Variants in TRIM33 observed in about 807,000 individuals in gnomAD.
TRIM33 encodes the protein tripartite motif containing 33, also known as E3 ubiquitin-protein ligase TRIM33.
Under a neutral mutation model 125.4 loss-of-function variants are expected in TRIM33, and 20 were observed. That is an observed-to-expected ratio of 0.16 (90% CI 0.11 to 0.23). The LOEUF (loss-of-function observed/expected upper bound fraction) is 0.23, where lower values mean the gene tolerates loss of function less well. Among genes scored for constraint, TRIM33 ranks in the 10% least tolerant of loss-of-function variants. The pLI, the probability that TRIM33 is intolerant of heterozygous loss-of-function variation, is 1.00. For missense variants in TRIM33, 920 were observed against 1,411.4 expected, an observed-to-expected ratio of 0.65 and a Z score of 5.58; for synonymous variants, 564 against 513.9, an observed-to-expected ratio of 1.10 and a Z score of -1.32.
chr1:114,475,549 G>A (rs1233088302), intron 1 of TRIM33, among the ~76,000 whole-genome samples: 1 of 152,198 alleles, frequency 6.6e-6, no homozygotes, highest in African/African-American at 2.4e-5. Flanking sequence ...CAGGCGTGGT[G>A]ACGGGCACCT....
chr1:114,456,414 T>G (rs1010844062), intron 4 of TRIM33, among the ~76,000 whole-genome samples: 11 of 152,162 alleles, frequency 7.2e-5, no homozygotes, highest in Admixed American at 6.5e-4. Context: ...CTGTGTGGCC[T>G]ATGAAAAAAG....
chr1:114,474,817 A>G (rs1472854392), intron 1 of TRIM33, among the ~76,000 whole-genome samples: 1 of 150,872 alleles, frequency 6.6e-6, no homozygotes, highest in Non-Finnish European at 1.5e-5. Context: ...GCTCGAACCC[A>G]GGAGGTGGAG....
In TRIM33 at chr1:114,427,280, C is replaced by A; in HGVS notation, c.1317G>T (p.Leu439Phe). Residue 439 changes from leucine to phenylalanine, a missense_variant, in exon 8 of 20, where the codon TTG becomes TTT. By Grantham distance (22) the Leu-to-Phe change is conservative (BLOSUM62 0). Transcript: ENST00000358465. ...CACACCGTGCTTTCAAAATATGACG[C>A]AACTGGAAAGTAATCTTAAAGGGAA... is the stretch of plus-strand genomic sequence containing the variant. ...LYSKRLITFQ[L>F]RHILKARCDP... The A allele has an allele frequency of 6.4e-7, 1 of 1,570,432 alleles. No homozygotes were observed. Among genetic ancestry groups the A allele is most frequent in the Non-Finnish European group, 8.7e-7 (1 of 1,151,716 alleles).
At chr1:114,432,715 G>A (rs933729251) in intron 5 of TRIM33, among the ~76,000 whole-genome samples, 6 of 152,146 alleles carry the variant, frequency 3.9e-5, no homozygotes, top group African/African-American at 1.2e-4. Context: ...GAACCCAGAA[G>A]GTGGAGCTTG....
intron 1 of TRIM33, among the ~76,000 whole-genome samples, chr1:114,496,721 C>A (rs1188536491): frequency 4.6e-5 from 7 of 152,182 alleles, no homozygotes; most frequent in African/African-American, 1.7e-4. Context: ...AATTAACTCA[C>A]CACAGGTGAA....
chr1:114,402,639 T>A (rs1377510682), intron 16 of TRIM33, 121 bp downstream of exon 16: 1 of 1,170,984 alleles, frequency 8.5e-7, no homozygotes, highest in East Asian at 2.5e-5. Context: ...TACCATCAGA[T>A]GACAGGATTA....
At chr1:114,448,083 T>C (rs1237057363) in intron 4 of TRIM33, among the ~76,000 whole-genome samples, 1 of 152,140 alleles carries the variant, frequency 6.6e-6, no homozygotes, top group African/African-American at 2.4e-5. Flanking sequence ...AACAGCAGCA[T>C]ACTGAAATAT....
chr1:114,459,589 G>A (rs150899127), intron 4 of TRIM33, among the ~76,000 whole-genome samples: 1 of 152,250 alleles, frequency 6.6e-6, no homozygotes, highest in Non-Finnish European at 1.5e-5. Context: ...GGGCGACATA[G>A]CAAGATCTAA....
At chr1:114,422,016 T>C (rs1647234598) in intron 10 of TRIM33, among the ~76,000 whole-genome samples, 1 of 152,208 alleles carries the variant, frequency 6.6e-6, no homozygotes, top group Non-Finnish European at 1.5e-5. Context: ...TGATATATAA[T>C]GCAGCTTGAA....
chr1:114,507,739 C>T (rs1653082755), intron 1 of TRIM33, among the ~76,000 whole-genome samples: 1 of 152,252 alleles, frequency 6.6e-6, no homozygotes, highest in South Asian at 2.1e-4. Flanking sequence ...GTGCTCTTTC[C>T]AGCACAGCTT....
At chr1:114,448,961 A>T (rs1649154732) in intron 4 of TRIM33, among the ~76,000 whole-genome samples, 1 of 152,194 alleles carries the variant, frequency 6.6e-6, no homozygotes, top group South Asian at 2.1e-4. Flanking sequence ...AGAGTGTCTG[A>T]AGGATCAAAT....
At chr1:114,401,028 C>CTT (rs944429313) in intron 17 of TRIM33, among the ~76,000 whole-genome samples, 9 of 142,438 alleles carry the variant, frequency 6.3e-5, no homozygotes, top group Admixed American at 1.4e-4. Flanking sequence ...AGGCCATACT[C>CTT]TTTTTTTTTT....
chr1:114,510,698 C>A lies in TRIM33; in HGVS notation c.379G>T (p.Val127Leu). Residue 127 changes from valine (V) to leucine (L), a missense_variant, in exon 1 of 20, where the codon GTG becomes TTG. Val to Leu is a conservative substitution (Grantham distance 32). Coordinates refer to ENST00000358465, the MANE Select transcript of TRIM33 (RefSeq NM_015906.4). ...PPASLLDTCAVCQQSLQSRRE... is the reference protein window; with the variant it reads ...PPASLLDTCALCQQSLQSRRE... Reference sequence around the variant, plus strand: ...CGGCTCTGCAAGCTCTGCTGACACACGGCGCAGGTGTCCAGGAGCGAGGCT... The same window carrying A: ...CGGCTCTGCAAGCTCTGCTGACACAAGGCGCAGGTGTCCAGGAGCGAGGCT... The A allele has an allele frequency of 6.5e-7, 1 of 1,543,580 alleles. No individual in the cohort carries two copies.
chr1:114,405,836 G>A, intron 14 of TRIM33, 77 bp from the exon 15 acceptor site: 2 of 1,231,216 alleles, frequency 1.6e-6, no homozygotes, highest in East Asian at 4.7e-5. Flanking sequence ...TAACAGTTAT[G>A]TGAATATGCA....
chr1:114,488,437 A>G (rs1651849082), intron 1 of TRIM33, among the ~76,000 whole-genome samples: 1 of 152,180 alleles, frequency 6.6e-6, no homozygotes. Context: ...TATTAATACA[A>G]GAAGCTTCAA....
intron 1 of TRIM33, among the ~76,000 whole-genome samples, chr1:114,477,516 T>C (rs552458180): frequency 1.3e-5 from 2 of 152,336 alleles, no homozygotes; most frequent in African/African-American, 4.8e-5. Flanking sequence ...TGAGTCTTAG[T>C]TTCCCCTTTG....
At chr1:114,400,566 C>T (rs1284666699) in intron 17 of TRIM33, among the ~76,000 whole-genome samples, 1 of 152,214 alleles carries the variant, frequency 6.6e-6, no homozygotes, top group East Asian at 1.9e-4. Flanking sequence ...CTTTAAAATC[C>T]CTGCACTTAA....
rs367805199 is a variant in TRIM33 at position 114,474,578 on chromosome 1, T to TTA, written c.527-10191_527-10190insTA. Among the ~76,000 whole-genome samples the TTA allele has an allele frequency of 1.7e-3, 133 of 78,986 alleles. 1 individual carries two copies. The highest frequency in any genetic ancestry group is 1.8e-3 in the African/African-American group (34 of 19,028). The allele number at this position is 78,986 out of a possible 152,430, so 51.8% of individuals were successfully genotyped here. On this transcript the variant is annotated intron_variant, in intron 1 of 19. Transcript: ENST00000358465. ...GACTGAGCAAGACCTTGTCTCTATT[T>TTA]AAAAAAAAAAAAAAAAAAAAAAAGG...
chr1:114,423,249 AATTT>A (rs1354204981), intron 10 of TRIM33, among the ~76,000 whole-genome samples: 1 of 152,144 alleles, frequency 6.6e-6, no homozygotes, highest in African/African-American at 2.4e-5. Context: ...GAAATTTAAC[AATTT>A]ATTATAAAAA....
Sources: allele counts gnomAD v4.1 joint callset (sites outside exome capture counted in the v4.1 genomes callset), GRCh38; gene constraint gnomAD v4.1.1; transcripts MANE v1.5; gene names NCBI Gene and HGNC (gene_info 2026-07-23, HGNC 2026-07-21).